The following USP34 variants were observed in gnomAD, a reference collection of about 807,000 sequenced individuals.
USP34 encodes ubiquitin specific peptidase 34, also known as ubiquitin carboxyl-terminal hydrolase 34.
A neutral mutation model predicts 460.3 loss-of-function variants in USP34; 70 were observed. The observed-to-expected ratio is 0.15, with a 90% CI of 0.13 to 0.19. The LOEUF is 0.19. Among genes scored for constraint, USP34 ranks in the 10% least tolerant of loss-of-function variants. The pLI is 1.00. For missense variants in USP34, 3,985 were observed against 4,236.2 expected (o/e 0.94, Z 1.65); for synonymous variants, 1,647 against 1,405.3 (o/e 1.17, Z -3.85).
chr2:61,263,294 CCT>C (rs1558498031), intron 43 of USP34, among the ~76,000 whole-genome samples: 2 of 150,356 alleles, frequency 1.3e-5, no homozygotes, highest in Non-Finnish European at 3.0e-5. Flanking sequence ...AATTCTCCTG[CCT>C]CTGACTCCCA....
At chr2:61,429,813 G>C (rs1694614389) in intron 1 of USP34, among the ~76,000 whole-genome samples, 1 of 152,182 alleles carries the variant, frequency 6.6e-6, no homozygotes, top group Non-Finnish European at 1.5e-5. Context: ...TATAATCCCA[G>C]CACTTTGGGA....
At chr2:61,377,407 G>T (rs1692829843) in intron 8 of USP34, among the ~76,000 whole-genome samples, 1 of 151,846 alleles carries the variant, frequency 6.6e-6, no homozygotes, top group African/African-American at 2.4e-5. Context: ...CAATTAAATG[G>T]AATACATATA....
At chr2:61,316,260 GAAAAT>G (rs1411759772) in intron 23 of USP34, among the ~76,000 whole-genome samples, 1 of 151,850 alleles carries the variant, frequency 6.6e-6, no homozygotes, top group African/African-American at 2.4e-5. Context: ...AAGGCAGTAG[GAAAAT>G]AAAATAAAAG....
chr2:61,192,146 G>GA (rs1660205374), intron 76 of USP34, among the ~76,000 whole-genome samples: 1 of 152,202 alleles, frequency 6.6e-6, no homozygotes, highest in African/African-American at 2.4e-5. Context: ...AGGAAAGCAT[G>GA]ATGTGGGTCA....
At chr2:61,205,673 T>A (rs1025897142) in intron 72 of USP34, among the ~76,000 whole-genome samples, 2 of 152,202 alleles carry the variant, frequency 1.3e-5, no homozygotes, top group Admixed American at 6.5e-5. Context: ...CACAGTGAAA[T>A]AAGTACTCTT....
intron 71 of USP34, among the ~76,000 whole-genome samples, chr2:61,206,346 G>A (rs1287232509): frequency 6.6e-6 from 1 of 152,144 alleles, no homozygotes; most frequent in Non-Finnish European, 1.5e-5. Flanking sequence ...CCACTTTCTA[G>A]GAATGTATAT....
chr2:61,292,662 A>G (rs968989959), intron 33 of USP34, among the ~76,000 whole-genome samples: 3 of 152,196 alleles, frequency 2.0e-5, no homozygotes, highest in South Asian at 2.1e-4. Context: ...AAAAAAAGCA[A>G]AACAAAACAA....
At chr2:61,300,642 A>C (rs1690189612) in intron 29 of USP34, among the ~76,000 whole-genome samples, 1 of 151,552 alleles carries the variant, frequency 6.6e-6, no homozygotes, top group Non-Finnish European at 1.5e-5. Flanking sequence ...CTAGAAATGC[A>C]AAAATTAGCC....
chr2:61,212,718 T>A (rs1687303559), intron 68 of USP34, among the ~76,000 whole-genome samples: 1 of 152,156 alleles, frequency 6.6e-6, no homozygotes, highest in Admixed American at 6.5e-5. Context: ...TCATGAAAAT[T>A]TCTAATAGAT....
intron 1 of USP34, among the ~76,000 whole-genome samples, chr2:61,446,935 T>C (rs184435882): frequency 6.6e-6 from 1 of 152,248 alleles, no homozygotes; most frequent in Admixed American, 6.5e-5. Context: ...TTTCCAATGT[T>C]GACACATTTC....
chr2:61,425,770 G>A (rs188752423), intron 1 of USP34, among the ~76,000 whole-genome samples: 7 of 152,200 alleles, frequency 4.6e-5, no homozygotes, highest in African/African-American at 7.2e-5. Context: ...CAGGAAGCAG[G>A]GAATGAGACA....
At chr2:61,465,624 C>T (rs1005556084) in intron 1 of USP34, among the ~76,000 whole-genome samples, 1 of 152,172 alleles carries the variant, frequency 6.6e-6, no homozygotes, top group African/African-American at 2.4e-5. Flanking sequence ...AGGAGAATGG[C>T]TTCAGACCAG....
At chr2:61,213,577 T>C (rs1687326564) in intron 68 of USP34, among the ~76,000 whole-genome samples, 1 of 152,218 alleles carries the variant, frequency 6.6e-6, no homozygotes, top group Non-Finnish European at 1.5e-5. Context: ...CATATATATG[T>C]ATCTCGATTG....
intron 57 of USP34, among the ~76,000 whole-genome samples, chr2:61,232,869 C>T (rs904830588): frequency 1.8e-5 from 2 of 113,880 alleles, no homozygotes; most frequent in African/African-American, 3.3e-5. Flanking sequence ...TTCCCCCCCC[C>T]CTTTTTTTTT....
In USP34 at chr2:61,232,537, T is replaced by A; in HGVS notation, c.7033-5A>T. The A allele has an allele frequency of 6.4e-7, 1 of 1,572,014 alleles. No individual in the cohort carries two copies. Among genetic ancestry groups the A allele is most frequent in the South Asian group, 1.2e-5 (1 of 85,520 alleles). On this transcript the variant is annotated splice_polypyrimidine_tract_variant and splice_region_variant and intron_variant, in intron 57 of 79. Transcript: ENST00000398571. The stretch of plus-strand genomic sequence containing the variant: ...AGCCATACGATCTAAAAACCACTGT[T>A]AAAAAAAAATACAGCATGACTTTAA...
At chr2:61,228,266 T>G (rs1421744594) in intron 61 of USP34, among the ~76,000 whole-genome samples, 2 of 152,206 alleles carry the variant, frequency 1.3e-5, no homozygotes, top group African/African-American at 2.4e-5. Flanking sequence ...TACTTTAATA[T>G]TATTCATAGA....
chr2:61,207,003 G>C lies in USP34; in HGVS notation c.8920-117C>G, dbSNP rs549361278. On this transcript the variant is annotated intron_variant, in intron 70 of 79. Transcript: ENST00000398571. ...TCAGACTCAGACTGTGTGTGCACAT[G>C]TGTGCAAAGCAAACGTATTTGCTTT... 110 of 1,112,416 alleles carry C rather than the reference G, an allele frequency of 9.9e-5. No individual in the cohort carries two copies. The South Asian group carries it at 1.6e-3, about 16-fold the overall frequency. The allele number at this position is 1,112,416 out of a possible 1,614,324, so 68.9% of individuals were successfully genotyped here.
At chr2:61,246,215 CT>C in intron 50 of USP34, 108 bp downstream of exon 50, 1 of 857,634 alleles carries the variant, frequency 1.2e-6, no homozygotes, top group Non-Finnish European at 1.6e-6. Flanking sequence ...AAAATTTTGT[CT>C]GCCTCATTTC....
At chr2:61,252,484 C>A (rs918545055) in intron 48 of USP34, among the ~76,000 whole-genome samples, 1 of 152,082 alleles carries the variant, frequency 6.6e-6, no homozygotes, top group Admixed American at 6.6e-5. Context: ...TCAATTTAAA[C>A]AGACAAAAAT....
Sources: gnomAD v4.1 joint callset for allele counts (sites outside exome capture counted in the v4.1 genomes callset) on GRCh38, gnomAD v4.1.1 for gene constraint, MANE v1.5 for transcripts, NCBI Gene and HGNC (gene_info 2026-07-23, HGNC 2026-07-21) for gene names.